NDST3: variants seen among roughly 807,000 people sequenced by gnomAD.
The protein encoded by NDST3 is N-deacetylase and N-sulfotransferase 3, also known as bifunctional heparan sulfate N-deacetylase/N-sulfotransferase 3.
NDST3 carries 58 observed loss-of-function variants against 96.1 expected under a neutral mutation model. The observed-to-expected ratio is 0.60, with a 90% CI of 0.49 to 0.75. NDST3 has a LOEUF of 0.75. NDST3 is among the 30% of genes least tolerant of loss of function. The pLI is 0.00. For missense variants in NDST3, 788 were observed against 1,034.2 expected, an observed-to-expected ratio of 0.76 and a Z score of 3.27; for synonymous variants, 333 against 359.7, an observed-to-expected ratio of 0.93 and a Z score of 0.84.
intron 4 of NDST3, among the ~76,000 whole-genome samples, chr4:118,122,169 A>G (rs1170370631): frequency 6.6e-6 from 1 of 152,194 alleles, no homozygotes; most frequent in African/African-American, 2.4e-5. Context: ...ACACAAAATG[A>G]ACTAACAGCC....
chr4:118,066,167 T>A (rs1196511816), intron 2 of NDST3, among the ~76,000 whole-genome samples: 1 of 20,914 alleles, frequency 4.8e-5, no homozygotes, highest in Non-Finnish European at 1.2e-4. Context: ...TATTATATAT[T>A]ATATTTTATA....
At chr4:118,086,094 C>T (rs1289255628) in intron 2 of NDST3, among the ~76,000 whole-genome samples, 1 of 152,126 alleles carries the variant, frequency 6.6e-6, no homozygotes, top group South Asian at 2.1e-4. Flanking sequence ...ACATACTCCT[C>T]CCCTGTAGCT....
At chr4:118,229,872 T>C (rs1740153780) in intron 8 of NDST3, among the ~76,000 whole-genome samples, 1 of 152,224 alleles carries the variant, frequency 6.6e-6, no homozygotes, top group South Asian at 2.1e-4. Flanking sequence ...TATTTATTTA[T>C]TGTAATTCTA....
chr4:118,187,874 A>G (rs1341051216), intron 6 of NDST3, among the ~76,000 whole-genome samples: 1 of 152,164 alleles, frequency 6.6e-6, no homozygotes. Flanking sequence ...CCAAGACTCA[A>G]GTTCCCAAAG....
chr4:118,176,783 A>AC (rs1225183712), intron 6 of NDST3, among the ~76,000 whole-genome samples: 2 of 152,104 alleles, frequency 1.3e-5, no homozygotes, highest in Non-Finnish European at 2.9e-5. Context: ...TTTACATTTT[A>AC]CTTTATGAGA....
intron 12 of NDST3, among the ~76,000 whole-genome samples, chr4:118,251,227 C>T (rs1409166698): frequency 6.7e-6 from 1 of 148,566 alleles, no homozygotes; most frequent in Non-Finnish European, 1.5e-5. Context: ...CCCGGGTTCA[C>T]GCCATTCTCC....
chr4:118,228,521 T>C (rs78244987), intron 8 of NDST3, among the ~76,000 whole-genome samples: 6,624 of 152,330 alleles, frequency 0.043, 219 homozygotes, highest in Non-Finnish European at 0.069. Flanking sequence ...GATATGGCAT[T>C]TGTCGTTGGA....
chr4:118,167,713 A>C (rs1315282653), intron 6 of NDST3, among the ~76,000 whole-genome samples: 1 of 152,050 alleles, frequency 6.6e-6, no homozygotes, highest in African/African-American at 2.4e-5. Context: ...AAAGATAGAC[A>C]CATAGACCAA....
At position 118,208,461 on chromosome 4, in the gene NDST3, G is replaced by A. The variant is rs1738584714; in HGVS notation, c.1540-16030G>A. Among the ~76,000 whole-genome samples, 2 of 144,080 alleles carry A rather than the reference G, an allele frequency of 1.4e-5. 1 individual carries two copies. Among genetic ancestry groups the A allele is most frequent in the Non-Finnish European group, 3.1e-5 (2 of 65,078 alleles). The allele number at this position is 144,080 out of a possible 152,430, so 94.5% of individuals were successfully genotyped here. Reference sequence around the variant, plus strand: ...TTATACAGTACCTTAGCTGACTCTTGTATCTGGGTCAGTCTTCTCATCCCT... The same window carrying A: ...TTATACAGTACCTTAGCTGACTCTTATATCTGGGTCAGTCTTCTCATCCCT... On this transcript the variant is annotated intron_variant, in intron 6 of 13. Coordinates refer to ENST00000296499, the MANE Select transcript of NDST3 (RefSeq NM_004784.3).
chr4:118,217,565 C>T (rs553872220), intron 6 of NDST3, among the ~76,000 whole-genome samples: 4 of 152,148 alleles, frequency 2.6e-5, no homozygotes, highest in Admixed American at 2.6e-4. Context: ...GGAGTTTGTT[C>T]ATTGCCCTAT....
chr4:118,212,449 T>C (rs977127658), intron 6 of NDST3, among the ~76,000 whole-genome samples: 1 of 152,024 alleles, frequency 6.6e-6, no homozygotes, highest in African/African-American at 2.4e-5. Flanking sequence ...CTAAGATGGA[T>C]TGGTAAATTG....
At chr4:118,055,362 A>G (rs1260302678) in intron 2 of NDST3, 2 of 183,666 alleles carry the variant, frequency 1.1e-5, no homozygotes, top group East Asian at 1.6e-4. Flanking sequence ...TTCTCTTATC[A>G]TATTTTTCTG....
At chr4:118,247,247 T>A (rs1189636194) in intron 12 of NDST3, among the ~76,000 whole-genome samples, 1 of 148,390 alleles carries the variant, frequency 6.7e-6, no homozygotes, top group Non-Finnish European at 1.5e-5. Context: ...GAGACAAATG[T>A]AGAGTTAGAA....
chr4:118,124,300 G>C (rs144997057), intron 4 of NDST3, among the ~76,000 whole-genome samples: 47 of 152,196 alleles, frequency 3.1e-4, no homozygotes, highest in African/African-American at 1.1e-3. Context: ...GGAAGTAATG[G>C]TGAGAGGAGT....
chr4:118,103,075 ATATATAGTTTTTC>A (rs1399581747), intron 2 of NDST3, among the ~76,000 whole-genome samples: 1 of 152,124 alleles, frequency 6.6e-6, no homozygotes, highest in Non-Finnish European at 1.5e-5. Context: ...CAGGTTTCTT[ATATATAGTTTTTC>A]TTATCAAGTT....
At position 118,208,979 on chromosome 4, in the gene NDST3, T is replaced by C. The variant is rs186302690; in HGVS notation, c.1540-15512T>C. Among the ~76,000 whole-genome samples, 14 of 106,584 alleles carry C rather than the reference T, an allele frequency of 1.3e-4. 5 individuals carry two copies. In the South Asian group the frequency reaches 4.4e-3, roughly 34 times the overall value. The allele number at this position is 106,584 out of a possible 152,430, so 69.9% of individuals were successfully genotyped here. A position where few individuals can be genotyped will look rare whatever the true frequency, so the allele number is the denominator to read the frequency against. ...TGAGCAAATATAGTTAATTGAAACC[T>C]CTTAGTAGTGAAGCTGATCTTTGTG... On this transcript the variant is annotated intron_variant, in intron 6 of 13. Transcript: ENST00000296499.
At chr4:118,213,117 A>G (rs1343768832) in intron 6 of NDST3, among the ~76,000 whole-genome samples, 1 of 152,206 alleles carries the variant, frequency 6.6e-6, no homozygotes, top group Non-Finnish European at 1.5e-5. Flanking sequence ...AAGCTAACAC[A>G]ATTTCCAAAT....
In NDST3 at chr4:118,054,462, A is replaced by G. The variant is rs368822783; in HGVS notation, c.552A>G (p.Ile184Met). The stretch of plus-strand genomic sequence containing the variant: ...AGTTAAAAGGTTTCCCTTTTTCCAT[A>G]TATGGAAATCTTGCAGTAAAAGATT... ...SFQLKGFPFS[I>M]YGNLAVKDCC... Residue 184 changes from isoleucine (I) to methionine (M), a missense_variant, in exon 2 of 14, where the codon ATA (isoleucine) becomes ATG (methionine). Coordinates refer to ENST00000296499, the MANE Select transcript of NDST3 (RefSeq NM_004784.3). 2.5e-6 allele frequency: 4 copies of G among 1,612,816 alleles called. No homozygotes were observed. The African/African-American group carries it at 4.0e-5, about 16-fold the overall frequency.
At chr4:118,248,359 G>GA (rs541423531) in intron 12 of NDST3, among the ~76,000 whole-genome samples, 8 of 146,656 alleles carry the variant, frequency 5.5e-5, no homozygotes, top group South Asian at 2.2e-4. Context: ...TCAAAAAAAA[G>GA]AAAAAAAAAA....
Sources: allele counts gnomAD v4.1 joint callset (sites outside exome capture counted in the v4.1 genomes callset), GRCh38; gene constraint gnomAD v4.1.1; transcripts MANE v1.5; gene names NCBI Gene and HGNC (gene_info 2026-07-23, HGNC 2026-07-21).